The following TCF12 variants were observed in gnomAD, a reference collection of about 807,000 sequenced individuals.
TCF12 encodes the protein transcription factor 12, also known as DNA-binding protein HTF4.
Under a neutral mutation model 86.0 loss-of-function variants are expected in TCF12, and 45 were observed. The observed-to-expected ratio is 0.52, with a 90% CI of 0.41 to 0.67. The LOEUF is 0.67. TCF12 is among the 30% of genes least tolerant of loss of function. The probability of loss-of-function intolerance (pLI) is 0.00; values close to 1 mark genes in which losing one functional copy is unlikely to be tolerated. For synonymous variants in TCF12, 330 were observed against 299.6 expected (o/e 1.10, Z -1.05); for missense variants, 881 against 859.9 (o/e 1.02, Z -0.31).
rs147784744 is a variant in TCF12 at position 57,090,336 on chromosome 15, T to C, written c.223-1453T>C. Among the ~76,000 whole-genome samples the C allele has an allele frequency of 5.3e-5, 8 of 152,334 alleles. No individual in the cohort carries two copies. In the East Asian group the frequency reaches 7.7e-4, roughly 15 times the overall value. Reference sequence around the variant, plus strand: ...ATGTGGCTGTATCAGACAGGACTTATGGTTATAGTTACCAGAGAACACTTG... The same window carrying C: ...ATGTGGCTGTATCAGACAGGACTTACGGTTATAGTTACCAGAGAACACTTG... On this transcript the variant is annotated intron_variant, in intron 4 of 20. Transcript: ENST00000333725.
intron 3 of TCF12, among the ~76,000 whole-genome samples, chr15:56,973,563 G>C (rs2062448879): frequency 6.6e-6 from 1 of 152,054 alleles, no homozygotes; most frequent in Non-Finnish European, 1.5e-5. Context: ...TATATAAAAG[G>C]AACAATAGAT....
At chr15:57,107,813 T>C (rs1284283346) in intron 5 of TCF12, among the ~76,000 whole-genome samples, 1 of 152,004 alleles carries the variant, frequency 6.6e-6, no homozygotes, top group Non-Finnish European at 1.5e-5. Flanking sequence ...GAGGCTGAAG[T>C]TGGAGAATCG....
intron 16 of TCF12, among the ~76,000 whole-genome samples, chr15:57,261,018 GTTTCTGTGGTCCCT>G (rs1476178931): frequency 6.6e-6 from 1 of 152,110 alleles, no homozygotes; most frequent in African/African-American, 2.4e-5. Flanking sequence ...GTCTGCCATA[GTTTCTGTGGTCCCT>G]TCCCAGCTTT....
chr15:57,220,257 A>G (rs1408720846), intron 8 of TCF12, among the ~76,000 whole-genome samples: 2 of 152,226 alleles, frequency 1.3e-5, no homozygotes, highest in Non-Finnish European at 2.9e-5. Context: ...ATACACACAT[A>G]TGTATTGAGA....
At chr15:57,067,538 C>CAAAA (rs141377160) in intron 4 of TCF12, among the ~76,000 whole-genome samples, 17 of 58,544 alleles carry the variant, frequency 2.9e-4, no homozygotes, top group African/African-American at 3.9e-4. Context: ...GACTCCGTCT[C>CAAAA]AAAAAAAAAA....
In TCF12 at chr15:57,288,189, A is replaced by G. The variant is rs1044532702; in HGVS notation, c.*2044A>G. 6.6e-6 allele frequency: 1 copy of G among 152,624 alleles called. No individual in the cohort carries two copies. The highest frequency in any genetic ancestry group is 6.5e-5 in the Admixed American group (1 of 15,276). 9.5% of individuals were successfully genotyped at this position (152,624 alleles called of 1,614,324 possible). ...TATTATATTAGGTAGTAAAAAATGT[A>G]GGGTTATTTACCATAACCTGTTCAT... On this transcript the variant is annotated 3_prime_UTR_variant, in exon 21 of 21. Coordinates refer to ENST00000333725, the MANE Select transcript of TCF12 (RefSeq NM_207037.2).
intron 3 of TCF12, among the ~76,000 whole-genome samples, chr15:56,984,115 T>C (rs938715272): frequency 7.9e-4 from 115 of 144,776 alleles, no homozygotes; most frequent in Non-Finnish European, 1.4e-3. Context: ...AAAGATACGT[T>C]GTTCTTCTGT....
At chr15:57,137,356 C>G (rs1197431687) in intron 5 of TCF12, among the ~76,000 whole-genome samples, 7 of 152,134 alleles carry the variant, frequency 4.6e-5, no homozygotes, top group Non-Finnish European at 8.8e-5. Flanking sequence ...ATTTTAAATA[C>G]TGTAATTTAC....
intron 8 of TCF12, among the ~76,000 whole-genome samples, chr15:57,198,599 A>G (rs1305711414): frequency 1.3e-5 from 2 of 152,120 alleles, no homozygotes; most frequent in African/African-American, 4.8e-5. Context: ...TCGTAAATCT[A>G]CCTACAATTT....
chr15:57,169,754 T>C lies in TCF12; in HGVS notation c.390+3288T>C, dbSNP rs180913407. 9.8e-5 allele frequency among the ~76,000 whole-genome samples: 15 copies of C among 152,308 alleles called. No homozygotes were observed. In the East Asian group the frequency reaches 2.9e-3, roughly 29 times the overall value. ...GCTAAGTCTAATAAATCATAGTTCA[T>C]GCTTATATTAATGTTTTTATTATGT... On this transcript the variant is annotated intron_variant, in intron 6 of 20. Coordinates refer to ENST00000333725, the MANE Select transcript of TCF12 (RefSeq NM_207037.2).
chr15:56,965,041 G>C (rs2061941667), intron 3 of TCF12, among the ~76,000 whole-genome samples: 1 of 152,122 alleles, frequency 6.6e-6, no homozygotes, highest in South Asian at 2.1e-4. Context: ...TGTTTTTTCA[G>C]TTCTCTCAAG....
At chr15:57,202,586 C>G (rs745432033) in intron 8 of TCF12, among the ~76,000 whole-genome samples, 4 of 152,002 alleles carry the variant, frequency 2.6e-5, no homozygotes, top group African/African-American at 7.2e-5. Context: ...CAGGTGCCCA[C>G]CACCACACCC....
At chr15:57,031,556 G>T (rs1352608551) in intron 3 of TCF12, among the ~76,000 whole-genome samples, 1 of 152,148 alleles carries the variant, frequency 6.6e-6, no homozygotes, top group Non-Finnish European at 1.5e-5. Flanking sequence ...TGGGTAATAT[G>T]GAGTGAACAC....
chr15:56,992,980 A>G (rs1278685920), intron 3 of TCF12, among the ~76,000 whole-genome samples: 2 of 152,114 alleles, frequency 1.3e-5, no homozygotes, highest in Non-Finnish European at 1.5e-5. Flanking sequence ...CATCTATAAA[A>G]CCTAGGCAAA....
chr15:57,007,778 CTT>C (rs2064489085), intron 3 of TCF12, among the ~76,000 whole-genome samples: 3 of 47,968 alleles, frequency 6.3e-5, no homozygotes, highest in Admixed American at 2.1e-4. Context: ...TTCTTTCTTT[CTT>C]TCTTTCTTTC....
chr15:57,189,725 C>T (rs1205183425), intron 6 of TCF12, among the ~76,000 whole-genome samples: 3 of 152,162 alleles, frequency 2.0e-5, no homozygotes, highest in Admixed American at 6.5e-5. Flanking sequence ...CCCAGCAATT[C>T]CACTGCTAGT....
intron 5 of TCF12, among the ~76,000 whole-genome samples, chr15:57,152,216 A>G (rs1374167289): frequency 2.6e-5 from 4 of 152,332 alleles, no homozygotes; most frequent in African/African-American, 9.6e-5. Context: ...GCCTAAATAT[A>G]CTACTGTTCT....
At chr15:57,090,122 G>C (rs966349961) in intron 4 of TCF12, among the ~76,000 whole-genome samples, 1 of 152,082 alleles carries the variant, frequency 6.6e-6, no homozygotes, top group Non-Finnish European at 1.5e-5. Context: ...GGAGCCTGAG[G>C]TGGGAGGATC....
intron 3 of TCF12, among the ~76,000 whole-genome samples, chr15:57,045,743 A>G (rs1480199415): frequency 6.6e-6 from 1 of 152,032 alleles, no homozygotes; most frequent in Non-Finnish European, 1.5e-5. Flanking sequence ...ATGGGGTTTC[A>G]CTGTGTTTCC....
Sources: allele counts gnomAD v4.1 joint callset (sites outside exome capture counted in the v4.1 genomes callset), GRCh38; gene constraint gnomAD v4.1.1; transcripts MANE v1.5; gene names NCBI Gene and HGNC (gene_info 2026-07-23, HGNC 2026-07-21).